The following CLSTN2 variants were observed in gnomAD, a reference collection of about 807,000 sequenced individuals.
CLSTN2 encodes calsyntenin 2, also known as calsyntenin-2.
In CLSTN2, 48 loss-of-function variants were observed where a neutral mutation model predicts 101.2. The observed-to-expected ratio is 0.47, with a 90% CI of 0.38 to 0.60. CLSTN2 has a LOEUF of 0.60. CLSTN2 is among the 20% of genes least tolerant of loss of function. CLSTN2 has a pLI of 0.00. For synonymous variants in CLSTN2, 481 were observed against 463.6 expected (o/e 1.04, Z -0.48); for missense variants, 1,160 against 1,238.2 (o/e 0.94, Z 0.95).
intron 2 of CLSTN2, among the ~76,000 whole-genome samples, chr3:140,249,855 C>T (rs1184132912): frequency 3.3e-5 from 5 of 152,056 alleles, no homozygotes; most frequent in Non-Finnish European, 5.9e-5. Flanking sequence ...TTAGAAAGGC[C>T]TGAGTTTAGA....
chr3:140,001,954 C>CA (rs1170157393), intron 1 of CLSTN2, among the ~76,000 whole-genome samples: 1 of 152,176 alleles, frequency 6.6e-6, no homozygotes, highest in African/African-American at 2.4e-5. Context: ...GACAGGATCT[C>CA]ATTCTTTTTT....
intron 1 of CLSTN2, among the ~76,000 whole-genome samples, chr3:140,073,712 G>C (rs1237275503): frequency 6.6e-6 from 1 of 152,206 alleles, no homozygotes; most frequent in Non-Finnish European, 1.5e-5. Context: ...TGTTGGCAGA[G>C]AGCATTTAAA....
At chr3:140,158,458 A>T in intron 1 of CLSTN2, among the ~76,000 whole-genome samples, 1 of 152,184 alleles carries the variant, frequency 6.6e-6, no homozygotes, top group East Asian at 1.9e-4. Context: ...TAGCTATGAA[A>T]AAATTGAAAT....
intron 1 of CLSTN2, among the ~76,000 whole-genome samples, chr3:140,016,641 A>C (rs2007207230): frequency 6.6e-6 from 1 of 152,010 alleles, no homozygotes; most frequent in Non-Finnish European, 1.5e-5. Context: ...TCTGCTAAAA[A>C]TACAAAAATT....
rs1180583411 is a variant in CLSTN2, at chr3:140,344,541, G to GT, written c.233-59083dup. ...TGCCATGGTCTTTCTGGCCTCTAGA[G>GT]TTTTTGTGTGCCATCCCTTTGACCT... is the stretch of plus-strand genomic sequence containing the variant. On this transcript the variant is annotated intron_variant, in intron 2 of 16. Coordinates refer to ENST00000458420, the MANE Select transcript of CLSTN2 (RefSeq NM_022131.3). Among the ~76,000 whole-genome samples, 3 of 152,132 alleles carry GT rather than the reference G, an allele frequency of 2.0e-5. No individual in the cohort carries two copies. The East Asian group carries it at 5.8e-4, about 29-fold the overall frequency.
At chr3:140,159,402 C>G (rs1440707856) in intron 1 of CLSTN2, among the ~76,000 whole-genome samples, 1 of 152,012 alleles carries the variant, frequency 6.6e-6, no homozygotes, top group Non-Finnish European at 1.5e-5. Flanking sequence ...TACAAGCAAC[C>G]AACAATCATA....
At chr3:140,048,709 TG>T (rs905582159) in intron 1 of CLSTN2, among the ~76,000 whole-genome samples, 29 of 149,156 alleles carry the variant, frequency 1.9e-4, no homozygotes, top group African/African-American at 7.2e-4. Flanking sequence ...CTGGGGGGAG[TG>T]GGGGGCAGTG....
chr3:140,396,638 C>G (rs1389013980), intron 2 of CLSTN2, among the ~76,000 whole-genome samples: 3 of 152,148 alleles, frequency 2.0e-5, no homozygotes, highest in Non-Finnish European at 4.4e-5. Flanking sequence ...TAGTTAACTG[C>G]ATAACTATTT....
chr3:140,365,587 C>T (rs565264393), intron 2 of CLSTN2, among the ~76,000 whole-genome samples: 8 of 152,162 alleles, frequency 5.3e-5, no homozygotes, highest in African/African-American at 1.2e-4. Flanking sequence ...TTGTGATCAT[C>T]GGGGAAACTA....
intron 2 of CLSTN2, among the ~76,000 whole-genome samples, chr3:140,185,071 T>G (rs1272920277): frequency 2.0e-5 from 3 of 152,198 alleles, no homozygotes; most frequent in Non-Finnish European, 4.4e-5. Context: ...GGGGCTTCCC[T>G]GTTTATTGTT....
chr3:140,521,010 C>T (rs534760570), intron 8 of CLSTN2, among the ~76,000 whole-genome samples: 1 of 150,986 alleles, frequency 6.6e-6, no homozygotes, highest in Admixed American at 6.6e-5. Context: ...TGGCTATCAG[C>T]TCCCATATCG....
chr3:139,947,054 G>A (rs77851217), intron 1 of CLSTN2, among the ~76,000 whole-genome samples: 1,684 of 152,344 alleles, frequency 0.011, 27 homozygotes, highest in African/African-American at 0.038. Flanking sequence ...CCTAGGGGCA[G>A]TGTCACACTA....
At chr3:140,418,151 G>A (rs2088451593) in intron 4 of CLSTN2, among the ~76,000 whole-genome samples, 1 of 151,842 alleles carries the variant, frequency 6.6e-6, no homozygotes, top group Admixed American at 6.6e-5. Context: ...AAAATTCAAT[G>A]TGATGTTGTG....
chr3:140,382,216 T>C (rs1180589801), intron 2 of CLSTN2, among the ~76,000 whole-genome samples: 1 of 152,242 alleles, frequency 6.6e-6, no homozygotes, highest in Non-Finnish European at 1.5e-5. Flanking sequence ...ATCTTTAATC[T>C]TGTGGTTCTT....
rs1004555784 is a variant in CLSTN2 at position 140,021,376 on chromosome 3, C to T, written c.109+85893C>T. Among the ~76,000 whole-genome samples the T allele has an allele frequency of 1.1e-4, 17 of 152,302 alleles. No homozygotes were observed. The East Asian group carries it at 3.1e-3, about 28-fold the overall frequency. Reference sequence around the variant, plus strand: ...TTATGTGCCAGTGATGGACTGAAAGCAGAGCAGGACTGTCAACGTAGTCAA... The same window carrying T: ...TTATGTGCCAGTGATGGACTGAAAGTAGAGCAGGACTGTCAACGTAGTCAA... On this transcript the variant is annotated intron_variant, in intron 1 of 16. Coordinates refer to ENST00000458420, the MANE Select transcript of CLSTN2 (RefSeq NM_022131.3).
intron 2 of CLSTN2, among the ~76,000 whole-genome samples, chr3:140,389,816 C>A (rs1248114644): frequency 2.0e-5 from 3 of 152,102 alleles, no homozygotes; most frequent in Non-Finnish European, 4.4e-5. Context: ...CTTTTAATAT[C>A]TATTTTGACT....
intron 1 of CLSTN2, among the ~76,000 whole-genome samples, chr3:139,949,479 G>A (rs191112779): frequency 2.7e-4 from 41 of 152,258 alleles, no homozygotes; most frequent in Admixed American, 7.8e-4. Context: ...GGCCCTACTG[G>A]TTATTGCTGG....
rs574222149 is a variant in CLSTN2, at chr3:140,515,706, T to C, written c.1345-16618T>C. ...GGTTCTTTTTGGAGTTGATTTCCAA[T>C]TTCATTGTGGTCTGAGAGAGTGTTT... On this transcript the variant is annotated intron_variant, in intron 8 of 16. Coordinates refer to ENST00000458420, the MANE Select transcript of CLSTN2 (RefSeq NM_022131.3). Among the ~76,000 whole-genome samples the C allele has an allele frequency of 7.7e-4, 117 of 152,180 alleles. 1 individual carries two copies. The highest frequency in any genetic ancestry group is 6.6e-4 in the Non-Finnish European group (45 of 68,004).
At chr3:140,026,419 T>A (rs1284871471) in intron 1 of CLSTN2, among the ~76,000 whole-genome samples, 1 of 152,200 alleles carries the variant, frequency 6.6e-6, no homozygotes, top group East Asian at 1.9e-4. Context: ...GTGCTAAATG[T>A]GTCCCAAGGC....
Sources: allele counts gnomAD v4.1 joint callset (sites outside exome capture counted in the v4.1 genomes callset), GRCh38; gene constraint gnomAD v4.1.1; transcripts MANE v1.5; gene names NCBI Gene and HGNC (gene_info 2026-07-23, HGNC 2026-07-21).